The following KMT2E variants were observed in gnomAD, a reference collection of about 807,000 sequenced individuals.
KMT2E encodes histone reader KMT2E.
KMT2E carries 30 observed loss-of-function variants against 184.6 expected under a neutral mutation model. The observed-to-expected ratio is 0.16, with a 90% CI of 0.12 to 0.22. KMT2E has a LOEUF of 0.22. KMT2E is among the 10% of genes least tolerant of loss of function. The pLI is 1.00. For synonymous variants in KMT2E, 815 were observed against 776.5 expected (o/e 1.05, Z -0.82); for missense variants, 2,023 against 2,237.4 (o/e 0.90, Z 1.93).
chr7:105,111,063 G>C, intron 26 of KMT2E, 195 bp downstream of exon 26: 1 of 558,720 alleles, frequency 1.8e-6, no homozygotes, highest in Non-Finnish European at 3.2e-6. Context: ...GGATAACTCT[G>C]ACCAAACATT....
chr7:105,030,675 C>T (rs1053570820), intron 1 of KMT2E, among the ~76,000 whole-genome samples: 5 of 152,110 alleles, frequency 3.3e-5, no homozygotes, highest in African/African-American at 1.2e-4. Flanking sequence ...GGCATTCAGG[C>T]CACATCTCAG....
Position 105,112,156 on chromosome 7 carries a change from C to T in KMT2E, c.4400C>T (p.Pro1467Leu). 6.2e-7 allele frequency: 1 copy of T among 1,614,146 alleles called. No individual in the cohort carries two copies. Among genetic ancestry groups the T allele is most frequent in the Non-Finnish European group, 8.5e-7 (1 of 1,180,026 alleles). The change falls in exon 27 of 27, where the codon CCA (proline) becomes CTA (leucine). Residue 1467 changes from proline to leucine, a missense_variant. Physicochemically the swap from Pro to Leu is moderately conservative, Grantham distance 98. Transcript: ENST00000311117. ...CCTGTACAGCATGGTTATCTTTCAC[C>T]AAAGCCTCCTTCACAGCAGTTAGGA... ...HTPVQHGYLS[P>L]KPPSQQLGSP... is the part of the protein sequence containing the mutation.
At chr7:105,092,000 G>C (rs1798224085) in intron 15 of KMT2E, among the ~76,000 whole-genome samples, 1 of 152,196 alleles carries the variant, frequency 6.6e-6, no homozygotes, top group Non-Finnish European at 1.5e-5. Context: ...CAAACTGACT[G>C]ATGGCCTTAT....
intron 1 of KMT2E, among the ~76,000 whole-genome samples, chr7:105,028,349 T>C (rs994767139): frequency 6.6e-6 from 1 of 152,116 alleles, no homozygotes; most frequent in Non-Finnish European, 1.5e-5. Context: ...TTGAATTTCT[T>C]TGGAGACTGG....
chr7:105,033,623 T>C (rs1278421759), intron 1 of KMT2E, among the ~76,000 whole-genome samples: 1 of 152,164 alleles, frequency 6.6e-6, no homozygotes, highest in Admixed American at 6.5e-5. Flanking sequence ...CTCAGCCTCC[T>C]GCGTAGCTGG....
intron 15 of KMT2E, among the ~76,000 whole-genome samples, chr7:105,093,368 C>G (rs908299848): frequency 6.6e-6 from 1 of 152,102 alleles, no homozygotes; most frequent in Non-Finnish European, 1.5e-5. Context: ...AGAACATCCT[C>G]ATTTCCAGAT....
chr7:105,068,864 A>G (rs146791743), intron 6 of KMT2E, among the ~76,000 whole-genome samples: 3,069 of 152,092 alleles, frequency 0.02, 50 homozygotes, highest in Non-Finnish European at 0.027. Context: ...GCCTTTATTT[A>G]CTGGTTTTCA....
At position 105,114,940 on chromosome 7, in the gene KMT2E, T is replaced by C. The variant is rs145189851; in HGVS notation, c.*1607T>C. On this transcript the variant is annotated 3_prime_UTR_variant, in exon 27 of 27. Transcript: ENST00000311117. ...AAAGAAACATTTGTCTGAGAAGAAA[T>C]GGTTTTACATCATCTATCCTGATAG... 6.8e-4 allele frequency among the ~76,000 whole-genome samples: 104 copies of C among 152,300 alleles called. No homozygotes were observed. Among genetic ancestry groups the C allele is most frequent in the African/African-American group, 2.4e-3 (98 of 41,568 alleles).
rs781316901 is a variant in KMT2E, at chr7:105,113,385, T to C, written c.*52T>C. 1 of 1,536,132 alleles carries C rather than the reference T, an allele frequency of 6.5e-7. No individual in the cohort carries two copies. The highest frequency in any genetic ancestry group is 1.2e-5 in the South Asian group (1 of 81,358). On this transcript the variant is annotated 3_prime_UTR_variant, in exon 27 of 27. Transcript: ENST00000311117. ...ATGTTCTGTAAGATAAACTGTATAT[T>C]TCATATGTACCTGTTAAGGTACTTT...
chr7:105,031,160 C>G (rs1014759198), intron 1 of KMT2E, among the ~76,000 whole-genome samples: 1 of 151,282 alleles, frequency 6.6e-6, no homozygotes, highest in Non-Finnish European at 1.5e-5. Flanking sequence ...AGATCGAAAA[C>G]AGCCTGGCCA....
rs755384277 is a variant in KMT2E, at chr7:105,106,812, G to C, written c.2847+40G>C. On this transcript the variant is annotated intron_variant, in intron 20 of 26. Transcript: ENST00000311117. ...TGGAGAAAAAAAAATTCAACACTTG[G>C]GGGGATGGAATTTCTTTTAAGAGCT... 4 of 1,591,384 alleles carry C rather than the reference G, an allele frequency of 2.5e-6. No individual in the cohort carries two copies. In the South Asian group the frequency reaches 3.4e-5, roughly 13 times the overall value.
chr7:105,015,339 C>G (rs1003397342), intron 1 of KMT2E, among the ~76,000 whole-genome samples: 2 of 152,170 alleles, frequency 1.3e-5, no homozygotes, highest in African/African-American at 2.4e-5. Context: ...AAAAACAATC[C>G]AGAGTGCTCT....
chr7:105,066,188 A>G (rs1049510531), intron 5 of KMT2E, among the ~76,000 whole-genome samples: 1 of 151,954 alleles, frequency 6.6e-6, no homozygotes, highest in African/African-American at 2.4e-5. Context: ...AAATTTACAC[A>G]TGTCTGCACA....
At chr7:105,052,966 G>C (rs931814833) in intron 3 of KMT2E, among the ~76,000 whole-genome samples, 15 of 152,220 alleles carry the variant, frequency 9.9e-5, no homozygotes, top group African/African-American at 3.4e-4. Flanking sequence ...CTATACTTCA[G>C]TTGTTAAGAA....
Position 105,051,425 on chromosome 7 carries a change from T to TA in KMT2E, c.71+10403dup, listed in dbSNP as rs772717200. Among the ~76,000 whole-genome samples, 7 of 152,148 alleles carry TA rather than the reference T, an allele frequency of 4.6e-5. No individual in the cohort carries two copies. In the East Asian group the frequency reaches 1.4e-3, roughly 30 times the overall value. On this transcript the variant is annotated intron_variant, in intron 3 of 26. Coordinates refer to ENST00000311117, the MANE Select transcript of KMT2E (RefSeq NM_182931.3). The stretch of plus-strand genomic sequence containing the variant: ...GTCTCAAACTCCCGACCTCAGGTGA[T>TA]ACGCCCGCCTCGGCCTACCAAAGTA...
intron 3 of KMT2E, among the ~76,000 whole-genome samples, chr7:105,059,993 T>G (rs1041596563): frequency 5.3e-4 from 57 of 106,894 alleles, no homozygotes; most frequent in African/African-American, 2.7e-3. Context: ...TTTTTTTTTT[T>G]TTTTTTTTTT....
Position 105,032,073 on chromosome 7 carries a change from CAAAA to C in KMT2E, c.-188-6033_-188-6030del, listed in dbSNP as rs869308527. On this transcript the variant is annotated intron_variant, in intron 1 of 26. Coordinates refer to ENST00000311117, the MANE Select transcript of KMT2E (RefSeq NM_182931.3). ...GGGCGACATAGCAAGACTCTTATCA[CAAAA>C]AAAAAAAAAAAAAAAAAAAGGCTAA... Among the ~76,000 whole-genome samples the C allele has an allele frequency of 8.2e-3, 635 of 77,256 alleles. 4 individuals are homozygous for C. The highest frequency in any genetic ancestry group is 0.033 in the Middle Eastern group (3 of 90). The allele number at this position is 77,256 out of a possible 152,430, so 50.7% of individuals were successfully genotyped here.
intron 3 of KMT2E, among the ~76,000 whole-genome samples, chr7:105,059,869 A>G (rs1387349050): frequency 2.6e-5 from 4 of 151,712 alleles, no homozygotes; most frequent in African/African-American, 9.7e-5. Context: ...TAGATTTTCT[A>G]CAATCAGCAT....
intron 15 of KMT2E, among the ~76,000 whole-genome samples, chr7:105,098,646 C>T (rs1034398275): frequency 1.3e-5 from 2 of 152,078 alleles, no homozygotes; most frequent in African/African-American, 4.8e-5. Context: ...CATGATCCAC[C>T]CTCCTCGGCC....
Sources: gnomAD v4.1 joint callset for allele counts (sites outside exome capture counted in the v4.1 genomes callset) on GRCh38, gnomAD v4.1.1 for gene constraint, MANE v1.5 for transcripts, NCBI Gene and HGNC (gene_info 2026-07-23, HGNC 2026-07-21) for gene names.